PTPRD: variants seen among roughly 807,000 people sequenced by gnomAD.
The protein encoded by PTPRD is receptor-type tyrosine-protein phosphatase delta.
A neutral mutation model predicts 214.5 loss-of-function variants in PTPRD; 34 were observed. That is an observed-to-expected ratio of 0.16 (90% CI 0.12 to 0.21). The LOEUF (loss-of-function observed/expected upper bound fraction) is 0.21. Ranked by LOEUF, PTPRD falls within the 10% of genes least tolerant of loss-of-function variation. PTPRD has a pLI of 1.00. For synonymous variants in PTPRD, 1,128 were observed against 845.7 expected, an observed-to-expected ratio of 1.33 and a Z score of -5.79; for missense variants, 2,545 against 2,398.7, an observed-to-expected ratio of 1.06 and a Z score of -1.27.
intron 2 of PTPRD, among the ~76,000 whole-genome samples, chr9:10,400,685 A>T (rs1366294703): frequency 1.3e-5 from 2 of 151,766 alleles, no homozygotes; most frequent in South Asian, 2.1e-4. Flanking sequence ...TCTAAAAAAA[A>T]TAATAATAAT....
At chr9:9,507,174 A>G (rs185017295) in intron 8 of PTPRD, among the ~76,000 whole-genome samples, 1 of 151,564 alleles carries the variant, frequency 6.6e-6, no homozygotes, top group East Asian at 1.9e-4. Flanking sequence ...TATAAAATTA[A>G]CTGATTAAAA....
chr9:9,927,655 A>G (rs1233433686), intron 5 of PTPRD, among the ~76,000 whole-genome samples: 2 of 152,180 alleles, frequency 1.3e-5, no homozygotes, highest in Non-Finnish European at 2.9e-5. Flanking sequence ...TACACCGTGC[A>G]TCTCCTATGA....
At chr9:9,852,736 C>G (rs1422484481) in intron 5 of PTPRD, among the ~76,000 whole-genome samples, 2 of 152,108 alleles carry the variant, frequency 1.3e-5, no homozygotes, top group African/African-American at 4.8e-5. Context: ...AGACATGATG[C>G]TAGCAGAGGC....
At position 10,382,073 on chromosome 9, in the gene PTPRD, G is replaced by T. The variant is rs555031235; in HGVS notation, c.-599-41056C>A. Among the ~76,000 whole-genome samples the T allele has an allele frequency of 9.9e-5, 15 of 151,904 alleles. No homozygotes were observed. The South Asian group carries it at 3.1e-3, about 32-fold the overall frequency. ...AAATCCAGTAAGTCGTCTAATGTCTGCAATTCACTGTCATTGCTATTTCCA... is the reference window on the plus strand; with the variant it reads ...AAATCCAGTAAGTCGTCTAATGTCTTCAATTCACTGTCATTGCTATTTCCA... On this transcript the variant is annotated intron_variant, in intron 2 of 45. Coordinates refer to ENST00000381196, the MANE Select transcript of PTPRD (RefSeq NM_002839.4).
At chr9:8,411,710 C>A (rs749083101) in intron 35 of PTPRD, among the ~76,000 whole-genome samples, 6 of 152,136 alleles carry the variant, frequency 3.9e-5, no homozygotes, top group African/African-American at 1.4e-4. Flanking sequence ...ATAAGATCAG[C>A]GATATGTGTT....
chr9:8,578,315 G>C (rs2092684650), intron 14 of PTPRD, among the ~76,000 whole-genome samples: 1 of 152,094 alleles, frequency 6.6e-6, no homozygotes, highest in Admixed American at 6.5e-5. Context: ...AACTTTTTAA[G>C]TAATCAACTA....
At chr9:8,986,226 C>G (rs879759296) in intron 11 of PTPRD, among the ~76,000 whole-genome samples, 22 of 152,000 alleles carry the variant, frequency 1.4e-4, no homozygotes, top group Non-Finnish European at 3.1e-4. Context: ...TATGAACTCT[C>G]CAGAAGAAAT....
intron 5 of PTPRD, among the ~76,000 whole-genome samples, chr9:9,937,422 T>C (rs939968515): frequency 7.3e-5 from 8 of 109,502 alleles, no homozygotes; most frequent in African/African-American, 2.9e-4. Context: ...GTTCCATAGA[T>C]AAATAAAAAA....
chr9:9,978,254 G>A (rs2095426217), intron 4 of PTPRD, among the ~76,000 whole-genome samples: 1 of 151,886 alleles, frequency 6.6e-6, no homozygotes, highest in South Asian at 2.1e-4. Context: ...AGATTTACTG[G>A]GTAACTGCTT....
chr9:8,441,203 T>G (rs10977109), intron 34 of PTPRD, among the ~76,000 whole-genome samples: 12,041 of 152,162 alleles, frequency 0.079, 729 homozygotes, highest in East Asian at 0.28. Context: ...GAACAGAGAC[T>G]CCAGAAAGAA....
chr9:9,222,873 A>G (rs1355446684), intron 9 of PTPRD, among the ~76,000 whole-genome samples: 2 of 152,074 alleles, frequency 1.3e-5, no homozygotes, highest in African/African-American at 4.8e-5. Flanking sequence ...TACAATATTC[A>G]AATTTATGCC....
At chr9:9,908,279 G>T (rs575899926) in intron 5 of PTPRD, among the ~76,000 whole-genome samples, 3 of 151,988 alleles carry the variant, frequency 2.0e-5, no homozygotes, top group African/African-American at 7.2e-5. Context: ...TGTATCATCT[G>T]AGAGTTCTTC....
At chr9:9,486,107 C>G (rs553129307) in intron 8 of PTPRD, among the ~76,000 whole-genome samples, 3 of 132,914 alleles carry the variant, frequency 2.3e-5, no homozygotes, top group Non-Finnish European at 4.6e-5. Context: ...GTCGAGATCA[C>G]GCCACTGCAC....
chr9:10,213,915 T>C (rs1255370944), intron 3 of PTPRD, among the ~76,000 whole-genome samples: 2 of 152,084 alleles, frequency 1.3e-5, no homozygotes, highest in East Asian at 3.9e-4. Flanking sequence ...CCTGTCTTGA[T>C]GGTTAAGATT....
intron 12 of PTPRD, among the ~76,000 whole-genome samples, chr9:8,723,740 T>C (rs184803064): frequency 6.6e-6 from 1 of 152,310 alleles, no homozygotes; most frequent in East Asian, 1.9e-4. Context: ...TTTATAAGCA[T>C]CTTAAAAAGG....
At chr9:9,712,095 G>A (rs183615735) in intron 7 of PTPRD, among the ~76,000 whole-genome samples, 3 of 152,024 alleles carry the variant, frequency 2.0e-5, no homozygotes, top group African/African-American at 4.8e-5. Context: ...TTTAACCTGC[G>A]GAATTTAATT....
intron 10 of PTPRD, among the ~76,000 whole-genome samples, chr9:9,140,059 T>G (rs1290523101): frequency 6.6e-6 from 1 of 151,900 alleles, no homozygotes; most frequent in Non-Finnish European, 1.5e-5. Flanking sequence ...TTTATTATAG[T>G]CAGGAAACCA....
intron 11 of PTPRD, among the ~76,000 whole-genome samples, chr9:8,978,133 A>G (rs1326073170): frequency 1.3e-5 from 2 of 152,132 alleles, no homozygotes; most frequent in Non-Finnish European, 2.9e-5. Context: ...ATTTGAATCC[A>G]TAAGCCTTAA....
chr9:8,464,404 T>A (rs1360941133), intron 32 of PTPRD, among the ~76,000 whole-genome samples: 1 of 151,992 alleles, frequency 6.6e-6, no homozygotes, highest in Non-Finnish European at 1.5e-5. Flanking sequence ...GCCATTACTT[T>A]GTTTTCAAAT....
Sources: allele counts gnomAD v4.1 joint callset (sites outside exome capture counted in the v4.1 genomes callset), GRCh38; gene constraint gnomAD v4.1.1; transcripts MANE v1.5; gene names NCBI Gene and HGNC (gene_info 2026-07-23, HGNC 2026-07-21).